The following XIRP2 variants were observed in gnomAD, a reference collection of about 807,000 sequenced individuals.
XIRP2 encodes the protein xin actin binding repeat containing 2.
In XIRP2, 236 loss-of-function variants were observed where a neutral mutation model predicts 277.0. That is an observed-to-expected ratio of 0.85 (90% confidence interval 0.77 to 0.95). The LOEUF (loss-of-function observed/expected upper bound fraction) is 0.95. Among genes scored for constraint, XIRP2 ranks in the 40% least tolerant of loss-of-function variants. The probability of loss-of-function intolerance (pLI) is 0.00; values close to 1 mark genes in which losing one functional copy is unlikely to be tolerated. For missense variants in XIRP2, 4,640 were observed against 4,157.5 expected (o/e 1.12, Z -3.19); for synonymous variants, 1,490 against 1,416.5 (o/e 1.05, Z -1.17).
At chr2:167,039,541 C>G (rs566879363) in intron 2 of XIRP2, among the ~76,000 whole-genome samples, 141 of 152,210 alleles carry the variant, frequency 9.3e-4, no homozygotes, top group African/African-American at 3.3e-3. Context: ...GTGGTTGAAG[C>G]AGAAGATAGA....
chr2:167,214,476 CAAAAAAA>C (rs569699283), intron 4 of XIRP2, among the ~76,000 whole-genome samples: 146 of 84,652 alleles, frequency 1.7e-3, no homozygotes, highest in African/African-American at 4.9e-3. Flanking sequence ...GACTCCATCT[CAAAAAAA>C]AAAAAAAAAA....
intron 2 of XIRP2, among the ~76,000 whole-genome samples, chr2:166,925,928 G>A (rs1685176776): frequency 6.6e-6 from 1 of 151,638 alleles, no homozygotes; most frequent in Non-Finnish European, 1.5e-5. Context: ...TTAAAAAATA[G>A]CCAGTCATAG....
At position 167,249,499 on chromosome 2, in the gene XIRP2, C is replaced by T. The variant is rs1343241986; in HGVS notation, c.8107C>T (p.Pro2703Ser). 4.3e-6 allele frequency: 7 copies of T among 1,613,662 alleles called. No homozygotes were observed. In the East Asian group the frequency reaches 1.3e-4, roughly 31 times the overall value. Reference protein sequence around the residue: ...LEQLHLPQSKPISPNFKVKTI... With the variant: ...LEQLHLPQSKSISPNFKVKTI... ...GCAGTTGCACTTGCCCCAAAGCAAA[C>T]CAATTTCCCCAAATTTCAAAGTTAA... The change falls in exon 9 of 11, where the codon CCA becomes TCA. Residue 2703 changes from proline to serine, a missense_variant. Transcript: ENST00000409195.
intron 2 of XIRP2, among the ~76,000 whole-genome samples, chr2:166,979,453 G>T (rs1686805133): frequency 1.4e-5 from 2 of 147,544 alleles, no homozygotes; most frequent in East Asian, 2.0e-4. Context: ...TTCTTGCCTG[G>T]TCCCAAATCT....
rs767027050 is a variant in XIRP2, at chr2:167,245,828, A to C, written c.4436A>C (p.Gln1479Pro). 3.1e-6 allele frequency: 5 copies of C among 1,613,668 alleles called. No homozygotes were observed. The East Asian group carries it at 1.1e-4, about 36-fold the overall frequency. The stretch of plus-strand genomic sequence containing the variant: ...TATGAAAATATCAAGACAGTCACTC[A>C]GGAAGATGTGCAGAAAGGTGATGTT... ...LEYENIKTVT[Q>P]EDVQKGDVKQ... is the part of the protein sequence containing the mutation. The change falls in exon 9 of 11, where the codon CAG (glutamine) becomes CCG (proline). Residue 1479 changes from glutamine (Q) to proline (P), a missense_variant. Transcript: ENST00000409195.
intron 2 of XIRP2, among the ~76,000 whole-genome samples, chr2:167,083,077 G>A (rs1283766344): frequency 1.3e-5 from 2 of 152,140 alleles, no homozygotes; most frequent in Non-Finnish European, 2.9e-5. Context: ...TATGGTTTTA[G>A]GTCTAACATT....
intron 3 of XIRP2, among the ~76,000 whole-genome samples, chr2:167,156,170 G>T (rs534364489): frequency 6.6e-6 from 1 of 151,952 alleles, no homozygotes; most frequent in African/African-American, 2.4e-5. Flanking sequence ...TGGCCATACT[G>T]CCCAAGGTAA....
At chr2:166,980,852 T>C (rs1208234522) in intron 2 of XIRP2, among the ~76,000 whole-genome samples, 2 of 152,174 alleles carry the variant, frequency 1.3e-5, no homozygotes, top group Admixed American at 6.5e-5. Flanking sequence ...TTAGGATTAA[T>C]TGAAAATTTT....
At chr2:167,177,429 G>T (rs892035309) in intron 3 of XIRP2, among the ~76,000 whole-genome samples, 4 of 152,122 alleles carry the variant, frequency 2.6e-5, no homozygotes, top group African/African-American at 9.7e-5. Flanking sequence ...ATCTGAAGTT[G>T]CATTGACATC....
intron 2 of XIRP2, among the ~76,000 whole-genome samples, chr2:167,024,031 A>G (rs894875447): frequency 3.5e-4 from 54 of 152,128 alleles, no homozygotes; most frequent in Non-Finnish European, 6.6e-4. Flanking sequence ...CATTGAATCT[A>G]TAAATTACCT....
intron 2 of XIRP2, among the ~76,000 whole-genome samples, chr2:167,091,409 T>A (rs1690143918): frequency 6.6e-6 from 1 of 152,186 alleles, no homozygotes; most frequent in South Asian, 2.1e-4. Flanking sequence ...TTTATTTGTA[T>A]GTATTTCTGA....
In XIRP2 at chr2:167,249,736, G is replaced by A. The variant is rs16853330; in HGVS notation, c.8344G>A (p.Val2782Ile). 221,901 of 1,613,062 alleles carry A rather than the reference G, an allele frequency of 0.14. 18,365 individuals carry two copies. Among genetic ancestry groups the A allele is most frequent in the African/African-American group, 0.34 (25,278 of 74,810 alleles). Reference sequence around the variant, plus strand: ...ACCTAAGAAGGAGAAAAGAGTGACAGTACAATTGCCTACAGAATCCATACA... The same window carrying A: ...ACCTAAGAAGGAGAAAAGAGTGACAATACAATTGCCTACAGAATCCATACA... ...QLPKKEKRVT[V>I]QLPTESIQKN... Residue 2782 changes from valine to isoleucine, a missense_variant, in exon 9 of 11, where the codon GTA becomes ATA. Val to Ile is a conservative substitution (Grantham distance 29). Transcript: ENST00000409195.
At chr2:167,066,417 C>T (rs1042947819) in intron 2 of XIRP2, among the ~76,000 whole-genome samples, 7 of 151,770 alleles carry the variant, frequency 4.6e-5, no homozygotes, top group South Asian at 2.1e-4. Flanking sequence ...ATCAAAACAA[C>T]GATGAAATAT....
At chr2:166,911,968 G>C (rs942548723) in intron 2 of XIRP2, among the ~76,000 whole-genome samples, 2 of 152,156 alleles carry the variant, frequency 1.3e-5, no homozygotes, top group Non-Finnish European at 2.9e-5. Flanking sequence ...AGTTTCTGCC[G>C]AGAGATCCAC....
At chr2:166,945,535 G>A (rs569625790) in intron 2 of XIRP2, among the ~76,000 whole-genome samples, 23 of 151,938 alleles carry the variant, frequency 1.5e-4, no homozygotes, top group East Asian at 3.9e-4. Flanking sequence ...GAAAGACAGC[G>A]GTAACCCAAC....
intron 1 of XIRP2, among the ~76,000 whole-genome samples, chr2:166,889,147 C>T (rs1453190276): frequency 6.6e-6 from 1 of 152,166 alleles, no homozygotes; most frequent in African/African-American, 2.4e-5. Flanking sequence ...CACAACCACC[C>T]ACTAACATGT....
At chr2:167,017,985 T>C (rs976221879) in intron 2 of XIRP2, among the ~76,000 whole-genome samples, 2 of 152,046 alleles carry the variant, frequency 1.3e-5, no homozygotes, top group Admixed American at 1.3e-4. Context: ...GTTATTACCT[T>C]AGCTGGGTCT....
chr2:167,204,174 AT>A (rs1275704169), intron 3 of XIRP2, among the ~76,000 whole-genome samples: 2 of 152,208 alleles, frequency 1.3e-5, no homozygotes, highest in African/African-American at 4.8e-5. Context: ...ATTTTAGCAA[AT>A]TTCAAAGAAA....
chr2:167,205,976 G>A lies in XIRP2; in HGVS notation c.563-4759G>A, dbSNP rs192373852. Among the ~76,000 whole-genome samples the A allele has an allele frequency of 4.6e-5, 7 of 152,176 alleles. No individual in the cohort carries two copies. In the South Asian group the frequency reaches 1.5e-3, roughly 32 times the overall value. ...GCCCTCTCACATGGTTATCAACTTG[G>A]ACCCATGTAGACTCTGGTTCACAAT... is the stretch of plus-strand genomic sequence containing the variant. On this transcript the variant is annotated intron_variant, in intron 3 of 10. Coordinates refer to ENST00000409195, the MANE Select transcript of XIRP2 (RefSeq NM_152381.6).
Sources: gnomAD v4.1 joint callset for allele counts (sites outside exome capture counted in the v4.1 genomes callset) on GRCh38, gnomAD v4.1.1 for gene constraint, MANE v1.5 for transcripts, NCBI Gene and HGNC (gene_info 2026-07-23, HGNC 2026-07-21) for gene names.